Variants in MGAT4C observed in about 807,000 individuals in gnomAD.
MGAT4C encodes alpha-1,3-mannosyl-glycoprotein 4-beta-N-acetylglucosaminyltransferase C.
Under a neutral mutation model 40.1 loss-of-function variants are expected in MGAT4C, and 19 were observed. That is an observed-to-expected ratio of 0.47 (90% CI 0.33 to 0.70). MGAT4C has a LOEUF of 0.70. Among genes scored for constraint, MGAT4C ranks in the 30% least tolerant of loss-of-function variants. The pLI, the probability that MGAT4C is intolerant of heterozygous loss-of-function variation, is 0.02. For synonymous variants in MGAT4C, 181 were observed against 187.1 expected (o/e 0.97, Z 0.27); for missense variants, 491 against 563.2 (o/e 0.87, Z 1.30).
chr12:86,015,407 G>A (rs978134790), intron 2 of MGAT4C, among the ~76,000 whole-genome samples: 2 of 152,096 alleles, frequency 1.3e-5, no homozygotes, highest in African/African-American at 2.4e-5. Flanking sequence ...AAGAGGAACT[G>A]GAGGACCAGC....
At chr12:86,826,212 G>A (rs904402967) in intron 1 of MGAT4C, among the ~76,000 whole-genome samples, 5 of 151,330 alleles carry the variant, frequency 3.3e-5, no homozygotes, top group African/African-American at 4.8e-5. Flanking sequence ...GCCATTCATC[G>A]CTATCGACTT....
chr12:86,435,869 T>C (rs1957127487), intron 2 of MGAT4C, among the ~76,000 whole-genome samples: 2 of 151,812 alleles, frequency 1.3e-5, no homozygotes, highest in South Asian at 2.1e-4. Flanking sequence ...AATGAAGAGG[T>C]CACAAAGCAT....
chr12:86,671,444 G>A (rs913821666), intron 2 of MGAT4C, among the ~76,000 whole-genome samples: 8 of 152,132 alleles, frequency 5.3e-5, no homozygotes, highest in Non-Finnish European at 1.2e-4. Context: ...TACATGCCAG[G>A]AGAGAGTGGG....
chr12:86,470,695 A>G lies in MGAT4C; in HGVS notation c.-228-35430T>C, dbSNP rs1957745993. Reference sequence around the variant, plus strand: ...CAAAGGGCATATTTTAAATCATATTATGGATATCTGCAACTGTGTATCTTT... The same window carrying G: ...CAAAGGGCATATTTTAAATCATATTGTGGATATCTGCAACTGTGTATCTTT... On this transcript the variant is annotated intron_variant, in intron 2 of 7. Transcript: ENST00000548651. 2.0e-5 allele frequency among the ~76,000 whole-genome samples: 3 copies of G among 152,302 alleles called. No homozygotes were observed. In the South Asian group the frequency reaches 6.2e-4, roughly 32 times the overall value.
intron 1 of MGAT4C, among the ~76,000 whole-genome samples, chr12:86,815,133 G>A (rs943829138): frequency 2.0e-5 from 3 of 151,826 alleles, no homozygotes; most frequent in Non-Finnish European, 4.4e-5. Flanking sequence ...AATCTACAAC[G>A]AACTCAAACA....
chr12:86,063,491 A>G (rs1360321636), intron 1 of MGAT4C, among the ~76,000 whole-genome samples: 1 of 152,212 alleles, frequency 6.6e-6, no homozygotes, highest in Non-Finnish European at 1.5e-5. Context: ...ACCAGCTAGC[A>G]TCATAATGAC....
intron 2 of MGAT4C, among the ~76,000 whole-genome samples, chr12:86,545,803 C>T (rs1352916341): frequency 6.6e-6 from 1 of 151,468 alleles, no homozygotes; most frequent in Non-Finnish European, 1.5e-5. Flanking sequence ...CTGAAATTAA[C>T]TCAAAAAACC....
intron 2 of MGAT4C, among the ~76,000 whole-genome samples, chr12:86,587,572 C>T (rs1182057284): frequency 6.6e-6 from 1 of 151,988 alleles, no homozygotes; most frequent in Non-Finnish European, 1.5e-5. Flanking sequence ...TTCATTCTTC[C>T]TACCCATGAG....
intron 1 of MGAT4C, among the ~76,000 whole-genome samples, chr12:86,166,797 G>A (rs115966586): frequency 0.012 from 1,873 of 151,866 alleles, 38 homozygotes; most frequent in African/African-American, 0.041. Context: ...ATTATATAAC[G>A]TACATAAAAA....
intron 1 of MGAT4C, among the ~76,000 whole-genome samples, chr12:86,215,659 C>T (rs926498713): frequency 6.6e-6 from 1 of 152,080 alleles, no homozygotes; most frequent in Non-Finnish European, 1.5e-5. Flanking sequence ...GTGGGGAGCT[C>T]TCTGAACTCC....
Position 86,120,384 on chromosome 12 carries a change from G to GGGTTCTC in MGAT4C, c.-56-70662_-56-70661insGAGAACC. The stretch of plus-strand genomic sequence containing the variant: ...AACTTCCCAGTCTGACAGCTTTGAA[G>GGGTTCTC]AGAGTAGTGGTTCTCCCAGCACGCA... On this transcript the variant is annotated intron_variant, in intron 1 of 4. Coordinates refer to ENST00000611864, the MANE Select transcript of MGAT4C (RefSeq NM_001351288.2). Among the ~76,000 whole-genome samples, 4 of 152,232 alleles carry GGGTTCTC rather than the reference G, an allele frequency of 2.6e-5. No homozygotes were observed. The Middle Eastern group carries it at 0.014, about 518-fold the overall frequency.
At chr12:86,832,769 A>G (rs199701855) in intron 1 of MGAT4C, among the ~76,000 whole-genome samples, 2 of 151,786 alleles carry the variant, frequency 1.3e-5, no homozygotes, top group East Asian at 3.9e-4. Flanking sequence ...TACTTATGCT[A>G]CGTAATCATG....
intron 3 of MGAT4C, among the ~76,000 whole-genome samples, chr12:86,423,384 T>C (rs1956866773): frequency 6.6e-6 from 1 of 151,682 alleles, no homozygotes; most frequent in African/African-American, 2.4e-5. Flanking sequence ...AGTGCTCCAT[T>C]TAAATAAAAA....
chr12:86,810,967 T>C (rs1172515755), intron 1 of MGAT4C, among the ~76,000 whole-genome samples: 7 of 147,978 alleles, frequency 4.7e-5, no homozygotes, highest in Admixed American at 6.9e-5. Flanking sequence ...TAATTTGCTC[T>C]TCTATTTTCT....
chr12:86,697,654 T>G (rs1760183268), intron 2 of MGAT4C, among the ~76,000 whole-genome samples: 1 of 152,090 alleles, frequency 6.6e-6, no homozygotes, highest in Non-Finnish European at 1.5e-5. Context: ...TATATTTAAA[T>G]ATAAATTTGT....
intron 4 of MGAT4C, among the ~76,000 whole-genome samples, chr12:86,327,934 AC>A (rs1198842745): frequency 6.6e-6 from 1 of 151,954 alleles, no homozygotes; most frequent in East Asian, 1.9e-4. Flanking sequence ...TTTATTATTT[AC>A]CTCTAGTCCA....
intron 4 of MGAT4C, among the ~76,000 whole-genome samples, chr12:86,325,510 T>C (rs146459826): frequency 6.6e-6 from 1 of 152,310 alleles, no homozygotes; most frequent in Non-Finnish European, 1.5e-5. Context: ...GTTCTGTGCA[T>C]GAGCAAATCC....
At chr12:86,471,904 T>C (rs1446986171) in intron 2 of MGAT4C, among the ~76,000 whole-genome samples, 1 of 152,156 alleles carries the variant, frequency 6.6e-6, no homozygotes, top group Non-Finnish European at 1.5e-5. Context: ...AATTATGGCA[T>C]TTATAAATAC....
chr12:86,393,504 G>C (rs1297010410), intron 3 of MGAT4C, among the ~76,000 whole-genome samples: 1 of 152,148 alleles, frequency 6.6e-6, no homozygotes, highest in Non-Finnish European at 1.5e-5. Flanking sequence ...AAAACTGATT[G>C]AGATTAAAGC....
Sources: allele counts gnomAD v4.1 joint callset (sites outside exome capture counted in the v4.1 genomes callset), GRCh38; gene constraint gnomAD v4.1.1; transcripts MANE v1.5; gene names NCBI Gene and HGNC (gene_info 2026-07-23, HGNC 2026-07-21).